The following MYH14 variants were observed in gnomAD, a reference collection of about 807,000 sequenced individuals.
MYH14 encodes myosin-14.
MYH14 carries 123 observed loss-of-function variants against 255.5 expected under a neutral mutation model. The observed-to-expected ratio is 0.48, with a 90% confidence interval of 0.42 to 0.56. The LOEUF is 0.56. Among genes scored for constraint, MYH14 ranks in the 20% least tolerant of loss-of-function variants. The pLI is 0.00. For synonymous variants in MYH14, 1,095 were observed against 1,161.2 expected (o/e 0.94, Z 1.16); for missense variants, 2,423 against 2,802.3 (o/e 0.86, Z 3.06).
In MYH14 at chr19:50,221,007, G is replaced by A. The variant is rs1471206226; in HGVS notation, c.563-2076G>A. Among the ~76,000 whole-genome samples, 1 of 152,034 alleles carries A rather than the reference G, an allele frequency of 6.6e-6. No homozygotes were observed. The highest frequency in any genetic ancestry group is 6.6e-5 in the Admixed American group (1 of 15,258). ...ACCTCGTAGCAAATCTATGAAATAG[G>A]TTATCTCCTTGTCCCTGATTTCTGG... On this transcript the variant is annotated intron_variant, in intron 3 of 42. Coordinates refer to ENST00000642316, the MANE Select transcript of MYH14 (RefSeq NM_001145809.2). The surrounding 1 kb of genome is among the most constrained non-coding windows in gnomAD (Gnocchi z 5.3).
intron 18 of MYH14, among the ~76,000 whole-genome samples, chr19:50,258,279 C>T (rs373947394): frequency 2.2e-4 from 33 of 152,186 alleles, no homozygotes; most frequent in African/African-American, 7.0e-4. Flanking sequence ...TCCCCACTAG[C>T]GTCTCTGAAG....
chr19:50,240,600 A>G (rs184841951), intron 10 of MYH14, among the ~76,000 whole-genome samples: 152 of 151,744 alleles, frequency 1.0e-3, no homozygotes, highest in African/African-American at 3.6e-3. Context: ...AAAAAAATCT[A>G]TGCTAAAATG....
chr19:50,263,260 G>T, intron 21 of MYH14, 52 bp from the exon 22 acceptor site: 1 of 1,184,536 alleles, frequency 8.4e-7, no homozygotes. Flanking sequence ...TCTTGCTAAG[G>T]GGATGGCGCC....
At position 50,248,982 on chromosome 19, in the gene MYH14, C is replaced by T; in HGVS notation, c.1330-5C>T. On this transcript the variant is annotated splice_region_variant and splice_polypyrimidine_tract_variant and intron_variant, in intron 12 of 42. Coordinates refer to ENST00000642316, the MANE Select transcript of MYH14 (RefSeq NM_001145809.2). ...TGCGCCCTTACCATGAGCCCTGTCC[C>T]ACAGGCTGACTTCGCGCTGGAGGCC... 1 of 1,613,284 alleles carries T rather than the reference C, an allele frequency of 6.2e-7. No homozygotes were observed. Among genetic ancestry groups the T allele is most frequent in the Admixed American group, 1.7e-5 (1 of 60,000 alleles).
At chr19:50,240,414 A>T (rs548304838) in intron 10 of MYH14, among the ~76,000 whole-genome samples, 1 of 152,158 alleles carries the variant, frequency 6.6e-6, no homozygotes, top group South Asian at 2.1e-4. Flanking sequence ...TCCCATCTGG[A>T]CAAAACATTT....
At chr19:50,309,478 C>G in intron 42 of MYH14, 162 bp from the exon 43 acceptor site, 1 of 632,438 alleles carries the variant, frequency 1.6e-6, no homozygotes, top group Non-Finnish European at 2.8e-6. Context: ...TTCTGCCCGT[C>G]TCCCTCCATT....
At chr19:50,222,666 T>C (rs548928642) in intron 3 of MYH14, among the ~76,000 whole-genome samples, 1 of 152,110 alleles carries the variant, frequency 6.6e-6, no homozygotes, top group South Asian at 2.1e-4. Flanking sequence ...GTGGTCAGCA[T>C]GTGATTGTGG....
chr19:50,234,401 G>A (rs2033561327), intron 10 of MYH14, among the ~76,000 whole-genome samples: 2 of 152,310 alleles, frequency 1.3e-5, no homozygotes, highest in South Asian at 4.1e-4. Flanking sequence ...GGCCGCCTCT[G>A]GGTCTGATTG....
intron 16 of MYH14, among the ~76,000 whole-genome samples, chr19:50,254,249 C>G (rs1035434070): frequency 6.8e-6 from 1 of 147,132 alleles, no homozygotes; most frequent in Admixed American, 6.7e-5. Context: ...AAAAAGAAAA[C>G]AAAATGAGCA....
intron 8 of MYH14, among the ~76,000 whole-genome samples, chr19:50,227,359 G>T (rs1209488787): frequency 6.6e-6 from 1 of 152,114 alleles, no homozygotes; most frequent in East Asian, 1.9e-4. Flanking sequence ...CAGGACACCA[G>T]GTGCGACAAC....
chr19:50,209,252 A>C (rs2032010890), intron 1 of MYH14, among the ~76,000 whole-genome samples: 1 of 152,206 alleles, frequency 6.6e-6, no homozygotes, highest in African/African-American at 2.4e-5. Flanking sequence ...GGTAGTGCAC[A>C]GGTGGTGGTG....
chr19:50,244,255 G>T lies in MYH14; in HGVS notation c.1128G>T (p.Met376Ile). 1 of 1,613,860 alleles carries T rather than the reference G, an allele frequency of 6.2e-7. No homozygotes were observed. The change falls in exon 11 of 43, where the codon ATG (methionine) becomes ATT (isoleucine). Residue 376 changes from methionine (M) to isoleucine (I), a missense_variant. Met to Ile is a conservative substitution (Grantham distance 10). Coordinates refer to ENST00000642316, the MANE Select transcript of MYH14 (RefSeq NM_001145809.2). ...TTGCGTCCCCAGCCATGCTGCGGAT[G>T]GTCTCAGCAGTTCTCCAGTTTGGCA... ...SHEEIISMLR[M>I]VSAVLQFGNI...
At chr19:50,308,712 G>C (rs2036737059) in intron 41 of MYH14, 1 of 366,616 alleles carries the variant, frequency 2.7e-6, no homozygotes, top group African/African-American at 2.0e-5. Context: ...CCTTGTCCCG[G>C]GGGTACTGGG....
In MYH14 at chr19:50,246,930, G is replaced by A. The variant is rs747013785; in HGVS notation, c.1211-74G>A. ...CTGCTCCCCCAACAGTGTGGGAAAC[G>A]GTACCCTCTCCCTTGCTGGGCAGCA... On this transcript the variant is annotated intron_variant, in intron 11 of 42. Transcript: ENST00000642316. The A allele has an allele frequency of 4.8e-5, 52 of 1,074,578 alleles. No homozygotes were observed. In the Middle Eastern group the frequency reaches 9.8e-4, roughly 20 times the overall value. The allele number at this position is 1,074,578 out of a possible 1,614,324, so 66.6% of individuals were successfully genotyped here.
At chr19:50,239,034 G>A (rs1285611743) in intron 10 of MYH14, among the ~76,000 whole-genome samples, 2 of 151,976 alleles carry the variant, frequency 1.3e-5, no homozygotes, top group Non-Finnish European at 2.9e-5. Flanking sequence ...ATTCTCTCTT[G>A]CGCATGATGG....
At chr19:50,226,612 G>A (rs1371622099) in intron 7 of MYH14, among the ~76,000 whole-genome samples, 3 of 151,406 alleles carry the variant, frequency 2.0e-5, no homozygotes, top group African/African-American at 7.3e-5. Context: ...GTGCAGGCCC[G>A]GATCCCTGGG....
At chr19:50,286,956 A>G (rs570045462) in intron 34 of MYH14, among the ~76,000 whole-genome samples, 12 of 152,240 alleles carry the variant, frequency 7.9e-5, no homozygotes, top group Non-Finnish European at 1.5e-4. Flanking sequence ...TGTCTCTACT[A>G]AAAATACAAA....
chr19:50,218,628 A>G (rs990699241), intron 3 of MYH14, among the ~76,000 whole-genome samples: 1 of 152,008 alleles, frequency 6.6e-6, no homozygotes, highest in African/African-American at 2.4e-5. Flanking sequence ...TTTTATTTCA[A>G]TAGTTTTTGG....
chr19:50,271,386 C>T, intron 24 of MYH14, 23 bp from the exon 25 acceptor site: 1 of 1,590,404 alleles, frequency 6.3e-7, no homozygotes, highest in Non-Finnish European at 8.6e-7. Context: ...AGTATCCTCA[C>T]TCCTCCTGCC....
Sources: gnomAD v4.1 joint callset for allele counts (sites outside exome capture counted in the v4.1 genomes callset) on GRCh38, gnomAD v4.1.1 for gene constraint, Gnocchi (gnomAD v3.1) non-coding constraint, MANE v1.5 for transcripts, NCBI Gene and HGNC (gene_info 2026-07-23, HGNC 2026-07-21) for gene names.